FLNB: variants seen among roughly 807,000 people sequenced by gnomAD.
FLNB encodes the protein filamin B.
In FLNB, 111 loss-of-function variants were observed where a neutral mutation model predicts 250.6. The ratio of observed to expected loss-of-function variants is 0.44; its 90% CI spans 0.38 to 0.52. FLNB has a LOEUF of 0.52. Among genes scored for constraint, FLNB ranks in the 20% least tolerant of loss-of-function variants. The probability of loss-of-function intolerance (pLI) is 0.00; values close to 1 mark genes in which losing one functional copy is unlikely to be tolerated. For missense variants in FLNB, 2,869 were observed against 3,447.8 expected (o/e 0.83, Z 4.20); for synonymous variants, 1,302 against 1,372.1 (o/e 0.95, Z 1.13).
chr3:58,134,896 C>A, intron 27 of FLNB, 124 bp downstream of exon 27: 1 of 914,936 alleles, frequency 1.1e-6, no homozygotes, highest in East Asian at 2.4e-5. Flanking sequence ...TAGATTTTCC[C>A]ACCAAAGAGT....
At position 58,154,761 on chromosome 3, in the gene FLNB, G is replaced by A. The variant is rs572377750; in HGVS notation, c.6635-30G>A. On this transcript the variant is annotated intron_variant, in intron 39 of 45. Coordinates refer to ENST00000295956, the MANE Select transcript of FLNB (RefSeq NM_001457.4). ...AGGGACAGGGGCTCTGTGGGGCTCA[G>A]TCACTAACCAGGTTTCTCTTTGCTC... The A allele has an allele frequency of 1.2e-5, 20 of 1,612,808 alleles. No homozygotes were observed. In the African/African-American group the frequency reaches 2.7e-4, roughly 22 times the overall value.
chr3:58,047,193 G>GT (rs1437769981), intron 1 of FLNB, among the ~76,000 whole-genome samples: 1 of 152,126 alleles, frequency 6.6e-6, no homozygotes, highest in African/African-American at 2.4e-5. Flanking sequence ...AAGAAAGTGT[G>GT]TTTTCTTTTA....
At chr3:58,117,136 C>T (rs553561619) in intron 18 of FLNB, among the ~76,000 whole-genome samples, 205 of 152,270 alleles carry the variant, frequency 1.3e-3, no homozygotes, top group African/African-American at 4.7e-3. Context: ...CCTGCGAAGT[C>T]GTGGCGAAAT....
At chr3:58,152,828 C>A in intron 38 of FLNB, 2 of 1,023,512 alleles carry the variant, frequency 2.0e-6, no homozygotes, top group Non-Finnish European at 2.7e-6. Context: ...CTCACCACGG[C>A]AGTGCAGGCA....
At chr3:58,064,782 GTGGGCAGAT>G (rs2097183196) in intron 1 of FLNB, among the ~76,000 whole-genome samples, 1 of 152,084 alleles carries the variant, frequency 6.6e-6, no homozygotes, top group African/African-American at 2.4e-5. Flanking sequence ...AGAGGCCAAT[GTGGGCAGAT>G]TGCTTGAGTT....
At chr3:58,139,635 C>G (rs1391652053) in intron 29 of FLNB, among the ~76,000 whole-genome samples, 1 of 152,176 alleles carries the variant, frequency 6.6e-6, no homozygotes, top group South Asian at 2.1e-4. Flanking sequence ...AAACACTTGT[C>G]AACTTTTGAC....
intron 42 of FLNB, chr3:58,162,401 T>C (rs1407989659): frequency 6.6e-6 from 1 of 152,382 alleles, no homozygotes; most frequent in Non-Finnish European, 1.5e-5. Flanking sequence ...TGCTACATGC[T>C]GTGACCCAAA....
intron 1 of FLNB, among the ~76,000 whole-genome samples, chr3:58,044,526 G>A (rs2097150717): frequency 6.6e-6 from 1 of 152,178 alleles, no homozygotes; most frequent in South Asian, 2.1e-4. Flanking sequence ...TCAGGAGGCT[G>A]AGGTGGGAGG....
intron 3 of FLNB, among the ~76,000 whole-genome samples, chr3:58,079,168 G>A (rs1198770480): frequency 1.3e-5 from 2 of 152,130 alleles, no homozygotes; most frequent in Non-Finnish European, 2.9e-5. Flanking sequence ...TGAGCCATAA[G>A]AAATTGATAG....
chr3:58,051,853 G>C (rs2097162961), intron 1 of FLNB, among the ~76,000 whole-genome samples: 1 of 152,062 alleles, frequency 6.6e-6, no homozygotes, highest in African/African-American at 2.4e-5. Context: ...TTGGAGAGTT[G>C]GGCTGGATGG....
Position 58,052,473 on chromosome 3 carries a change from T to G in FLNB, c.293-24573T>G, listed in dbSNP as rs965503345. Reference sequence around the variant, plus strand: ...GATTGTTAACAATGGCTGAGTCATGTGGCACCCAGCCCGGTGAGTAAGACA... The same window carrying G: ...GATTGTTAACAATGGCTGAGTCATGGGGCACCCAGCCCGGTGAGTAAGACA... On this transcript the variant is annotated intron_variant, in intron 1 of 45. Coordinates refer to ENST00000295956, the MANE Select transcript of FLNB (RefSeq NM_001457.4). Among the ~76,000 whole-genome samples, 5 of 152,310 alleles carry G rather than the reference T, an allele frequency of 3.3e-5. No individual in the cohort carries two copies. The South Asian group carries it at 1.0e-3, about 32-fold the overall frequency.
chr3:58,112,445 G>A (rs891259228), intron 18 of FLNB, 127 bp downstream of exon 18: 4 of 907,814 alleles, frequency 4.4e-6, no homozygotes, highest in African/African-American at 1.6e-5. Flanking sequence ...CTGATGGGAG[G>A]CAGCTCCTGG....
At position 58,108,574 on chromosome 3, in the gene FLNB, A is replaced by C. The variant is rs760381233; in HGVS notation, c.2055+3A>C. 1 of 1,586,794 alleles carries C rather than the reference A, an allele frequency of 6.3e-7. No individual in the cohort carries two copies. Among genetic ancestry groups the C allele is most frequent in the South Asian group, 1.1e-5 (1 of 90,536 alleles). On this transcript the variant is annotated splice_donor_region_variant and intron_variant, in intron 13 of 45. Coordinates refer to ENST00000295956, the MANE Select transcript of FLNB (RefSeq NM_001457.4). ...CTCCCTTAAAGATATTTGCTCAGGTAAATTTCAGGGGGCCACCTGTGCAGG... is the reference window on the plus strand; with the variant it reads ...CTCCCTTAAAGATATTTGCTCAGGTCAATTTCAGGGGGCCACCTGTGCAGG...
At chr3:58,108,087 A>G (rs4681803) in intron 12 of FLNB, among the ~76,000 whole-genome samples, 2 of 152,340 alleles carry the variant, frequency 1.3e-5, no homozygotes, top group South Asian at 2.1e-4. Flanking sequence ...TGGGCCACAC[A>G]TAAAATACTA....
At chr3:58,009,019 G>T (rs761461118) in intron 1 of FLNB, among the ~76,000 whole-genome samples, 163 bp downstream of exon 1, 60 of 152,132 alleles carry the variant, frequency 3.9e-4, no homozygotes, top group Non-Finnish European at 5.9e-5. Context: ...CCCCTCCCCG[G>T]TGTCTTCCCC....
At chr3:58,008,921 T>A in intron 1 of FLNB, 65 bp downstream of exon 1, 1 of 1,583,924 alleles carries the variant, frequency 6.3e-7, no homozygotes, top group Non-Finnish European at 8.7e-7. Flanking sequence ...CGTGCACCCC[T>A]GCGGAGGGCG....
intron 35 of FLNB, 122 bp downstream of exon 35, chr3:58,148,486 C>G: frequency 6.2e-6 from 8 of 1,300,244 alleles, no homozygotes; most frequent in Non-Finnish European, 8.7e-6. Context: ...CCTGCTGGGT[C>G]ACACGCACGA....
intron 41 of FLNB, 49 bp downstream of exon 41, chr3:58,156,124 G>C: frequency 7.2e-7 from 1 of 1,387,424 alleles, no homozygotes; most frequent in Non-Finnish European, 1.0e-6. Flanking sequence ...CCACCAGTGA[G>C]ACCCCTGGAC....
chr3:58,025,510 G>A (rs2097122351), intron 1 of FLNB, among the ~76,000 whole-genome samples: 1 of 152,152 alleles, frequency 6.6e-6, no homozygotes, highest in Non-Finnish European at 1.5e-5. Flanking sequence ...AGCAGCGGCA[G>A]TAAGGTCCTG....
Sources: allele counts gnomAD v4.1 joint callset (sites outside exome capture counted in the v4.1 genomes callset), GRCh38; gene constraint gnomAD v4.1.1; transcripts MANE v1.5; gene names NCBI Gene and HGNC (gene_info 2026-07-23, HGNC 2026-07-21).